The following KANK1 variants were observed in gnomAD, a reference collection of about 807,000 sequenced individuals.
The protein encoded by KANK1 is KN motif and ankyrin repeat domain-containing protein 1.
Under a neutral mutation model 106.2 loss-of-function variants are expected in KANK1, and 109 were observed. That is an observed-to-expected ratio of 1.03 (90% CI 0.88 to 1.20). The LOEUF is 1.20. Among genes scored for constraint, KANK1 ranks in the 50% most tolerant of loss-of-function variants. KANK1 has a pLI of 0.00. For synonymous variants in KANK1, 873 were observed against 652.2 expected (o/e 1.34, Z -5.16); for missense variants, 2,399 against 1,710.7 (o/e 1.40, Z -7.10).
intron 1 of KANK1, among the ~76,000 whole-genome samples, chr9:584,416 A>C (rs1822941860): frequency 6.6e-6 from 1 of 152,216 alleles, no homozygotes; most frequent in African/African-American, 2.4e-5. Flanking sequence ...ACTTACAGTA[A>C]AGAACAAAGT....
chr9:657,924 C>G (rs1588640621), intron 1 of KANK1, among the ~76,000 whole-genome samples: 1 of 151,980 alleles, frequency 6.6e-6, no homozygotes, highest in Non-Finnish European at 1.5e-5. Context: ...CCTAAATTGC[C>G]CAGGCTGGAA....
chr9:577,201 G>A (rs1820798055), intron 1 of KANK1, among the ~76,000 whole-genome samples: 2 of 152,176 alleles, frequency 1.3e-5, no homozygotes, highest in Admixed American at 1.3e-4. Context: ...TGGCTCTGGT[G>A]GCCAGATTTT....
At position 549,776 on chromosome 9, in the gene KANK1, G is replaced by A. The variant is rs1205851806; in HGVS notation, c.-84+45022G>A. 3.9e-5 allele frequency: 6 copies of A among 152,256 alleles called. No homozygotes were observed. The South Asian group carries it at 8.3e-4, about 21-fold the overall frequency. The allele number at this position is 152,256 out of a possible 1,614,324, so 9.4% of individuals were successfully genotyped here. ...GAACTATGAAGCGGGGTGAGGGGAC[G>A]GTTTGGTGCGTAAATCCTCACGCAG... On this transcript the variant is annotated intron_variant, in intron 1 of 11. Transcript: ENST00000382297.
chr9:701,853 G>C (rs1037878402), intron 2 of KANK1, among the ~76,000 whole-genome samples: 2 of 152,126 alleles, frequency 1.3e-5, no homozygotes, highest in Non-Finnish European at 2.9e-5. Context: ...TTCATTAAAA[G>C]TTAAAATCAT....
chr9:513,804 T>C (rs915067423), intron 1 of KANK1, among the ~76,000 whole-genome samples: 1 of 152,068 alleles, frequency 6.6e-6, no homozygotes, highest in Admixed American at 6.5e-5. Context: ...TCACTTGAGG[T>C]CAGGAGTTCA....
chr9:653,092 T>A (rs1841288719), intron 1 of KANK1, among the ~76,000 whole-genome samples: 1 of 152,182 alleles, frequency 6.6e-6, no homozygotes, highest in Admixed American at 6.5e-5. Context: ...TAACTTTATT[T>A]AGCAACGTCA....
intron 1 of KANK1, among the ~76,000 whole-genome samples, chr9:564,811 A>G (rs1475419837): frequency 6.6e-6 from 1 of 152,216 alleles, no homozygotes; most frequent in Non-Finnish European, 1.5e-5. Flanking sequence ...GACTCAGTTC[A>G]CCTTATCATT....
In KANK1 at chr9:703,757, G is replaced by A. The variant is rs1285253592; in HGVS notation, c.38-7047G>A. Among the ~76,000 whole-genome samples the A allele has an allele frequency of 2.0e-5, 3 of 151,930 alleles. No individual in the cohort carries two copies. In the East Asian group the frequency reaches 5.8e-4, roughly 29 times the overall value. ...GACGGAGTCTTGCTCTGTCACCCAG[G>A]CTGGAATGCAGTGGCGTGATCTTGA... is the stretch of plus-strand genomic sequence containing the variant. On this transcript the variant is annotated intron_variant, in intron 2 of 11. Transcript: ENST00000382297.
At chr9:540,219 C>T (rs10975046) in intron 1 of KANK1, among the ~76,000 whole-genome samples, 40,785 of 152,082 alleles carry the variant, frequency 0.27, 6,645 homozygotes, top group East Asian at 0.42. Context: ...TATACCTAAT[C>T]TGTTGAGAGT....
intron 1 of KANK1, among the ~76,000 whole-genome samples, chr9:559,273 A>G (rs3739589): frequency 0.066 from 10,108 of 152,218 alleles, 901 homozygotes; most frequent in East Asian, 0.23. Flanking sequence ...TTTTGCAGAG[A>G]TCATCCATTT....
chr9:540,982 G>A (rs967024200), intron 1 of KANK1, among the ~76,000 whole-genome samples: 3 of 151,932 alleles, frequency 2.0e-5, no homozygotes, highest in African/African-American at 7.2e-5. Context: ...GCTGACTTTG[G>A]GCTGTTCCTT....
chr9:712,755 G>C lies in KANK1; in HGVS notation c.1989G>C (p.Met663Ile), dbSNP rs1826525348. Residue 663 changes from methionine (M) to isoleucine (I), a missense_variant, in exon 3 of 12, where the codon ATG becomes ATC. Met to Ile is a conservative substitution (Grantham distance 10, BLOSUM62 1). Transcript: ENST00000382297. The stretch of plus-strand genomic sequence containing the variant: ...TTAGCCAGGTGGAAGCTGCCGTCAT[G>C]GCAGTGCCTCGTACTGCAGACCAGG... Reference protein sequence around the residue: ...EAVSQVEAAVMAVPRTADQDT... With the variant: ...EAVSQVEAAVIAVPRTADQDT... The C allele has an allele frequency of 2.5e-6, 4 of 1,613,880 alleles. No homozygotes were observed. The highest frequency in any genetic ancestry group is 3.4e-6 in the Non-Finnish European group (4 of 1,179,900).
At chr9:735,705 A>G in intron 7 of KANK1, 1 of 431,428 alleles carries the variant, frequency 2.3e-6, no homozygotes. Context: ...CATAATACCT[A>G]ATACAGGGCC....
intron 10 of KANK1, among the ~76,000 whole-genome samples, chr9:742,746 C>T (rs1257093454): frequency 1.3e-5 from 2 of 152,154 alleles, no homozygotes; most frequent in Non-Finnish European, 2.9e-5. Context: ...TAGGTGACTT[C>T]TGACAGGTGC....
intron 2 of KANK1, among the ~76,000 whole-genome samples, chr9:700,492 G>A (rs764453525): frequency 6.6e-6 from 1 of 152,152 alleles, no homozygotes; most frequent in Non-Finnish European, 1.5e-5. Flanking sequence ...CTCATACTCT[G>A]AGTAATTAGC....
chr9:744,775 G>A, intron 11 of KANK1, 186 bp downstream of exon 11: 4 of 1,485,678 alleles, frequency 2.7e-6, no homozygotes, highest in African/African-American at 1.4e-5. Flanking sequence ...TAATGTTTTA[G>A]CAGAGGCTGG....
intron 1 of KANK1, among the ~76,000 whole-genome samples, chr9:598,197 G>C (rs1194758423): frequency 2.0e-5 from 3 of 151,456 alleles, no homozygotes; most frequent in East Asian, 3.9e-4. Context: ...TTTATTTCTG[G>C]ACTCTTTTTT....
intron 1 of KANK1, among the ~76,000 whole-genome samples, chr9:537,794 C>A (rs903265610): frequency 6.6e-6 from 1 of 152,014 alleles, no homozygotes; most frequent in Non-Finnish European, 1.5e-5. Flanking sequence ...CCAGAGATGC[C>A]CAGAATAGCC....
At chr9:518,305 C>CGGTT (rs1563704537) in intron 1 of KANK1, among the ~76,000 whole-genome samples, 2 of 151,758 alleles carry the variant, frequency 1.3e-5, no homozygotes, top group Non-Finnish European at 2.9e-5. Context: ...TGGCTTAAAG[C>CGGTT]GGTTGTTCAC....
Sources: allele counts gnomAD v4.1 joint callset (sites outside exome capture counted in the v4.1 genomes callset), GRCh38; gene constraint gnomAD v4.1.1; transcripts MANE v1.5; gene names NCBI Gene and HGNC (gene_info 2026-07-23, HGNC 2026-07-21).